Variants in CDH4 observed in about 807,000 individuals in gnomAD.
CDH4 encodes cadherin 4, also known as cadherin-4.
Under a neutral mutation model 86.0 loss-of-function variants are expected in CDH4, and 33 were observed. That is an observed-to-expected ratio of 0.38 (90% CI 0.29 to 0.51). CDH4 has a LOEUF of 0.51. CDH4 is among the 20% of genes least tolerant of loss of function. CDH4 has a pLI of 0.86. For synonymous variants in CDH4, 555 were observed against 549.4 expected (o/e 1.01, Z -0.14); for missense variants, 1,114 against 1,307.4 (o/e 0.85, Z 2.28).
chr20:61,587,823 CAT>C (rs921145870), intron 2 of CDH4, among the ~76,000 whole-genome samples: 10 of 152,200 alleles, frequency 6.6e-5, no homozygotes, highest in Admixed American at 4.6e-4. Flanking sequence ...ACAAGCAACA[CAT>C]GAGTGACTTC....
intron 2 of CDH4, among the ~76,000 whole-genome samples, chr20:61,666,850 G>A (rs979671405): frequency 6.6e-6 from 1 of 152,244 alleles, no homozygotes; most frequent in Non-Finnish European, 1.5e-5. Flanking sequence ...TCCGAAGACA[G>A]CAGAGTCTGG....
chr20:61,881,714 C>T (rs918963865), intron 7 of CDH4, among the ~76,000 whole-genome samples: 4 of 152,204 alleles, frequency 2.6e-5, no homozygotes, highest in Non-Finnish European at 4.4e-5. Context: ...GAGAACCCGT[C>T]ACAGCCGGAA....
chr20:61,682,386 GGATGGATA>G (rs1786433768), intron 2 of CDH4, among the ~76,000 whole-genome samples: 1 of 145,636 alleles, frequency 6.9e-6, no homozygotes, highest in Admixed American at 6.8e-5. Flanking sequence ...GATGGATGAT[GGATGGATA>G]GATGGATGGA....
At chr20:61,455,352 G>A (rs1045132940) in intron 2 of CDH4, among the ~76,000 whole-genome samples, 1 of 152,208 alleles carries the variant, frequency 6.6e-6, no homozygotes, top group Non-Finnish European at 1.5e-5. Context: ...CACAGCCCAG[G>A]GTGGGCTGGC....
At chr20:61,880,231 CG>C (rs1171841510) in intron 7 of CDH4, among the ~76,000 whole-genome samples, 1 of 152,134 alleles carries the variant, frequency 6.6e-6, no homozygotes, top group Non-Finnish European at 1.5e-5. Flanking sequence ...TCCCAGACAG[CG>C]AGCCTCTCGT....
At chr20:61,802,546 T>TG (rs1295332524) in intron 4 of CDH4, among the ~76,000 whole-genome samples, 1 of 151,756 alleles carries the variant, frequency 6.6e-6, no homozygotes, top group Admixed American at 6.5e-5. Context: ...AAAACTTACT[T>TG]GGGGAAAAAA....
chr20:61,368,624 C>G (rs2084823386), intron 2 of CDH4, among the ~76,000 whole-genome samples: 1 of 152,046 alleles, frequency 6.6e-6, no homozygotes, highest in Admixed American at 6.5e-5. Context: ...TCAAGTGATT[C>G]TCCTGCCTTA....
intron 2 of CDH4, among the ~76,000 whole-genome samples, chr20:61,297,888 C>T (rs17806051): frequency 0.058 from 8,784 of 152,320 alleles, 375 homozygotes; most frequent in Non-Finnish European, 0.086. Context: ...CGCTGTGGAG[C>T]GAATGACAAT....
chr20:61,348,229 A>G (rs536898513), intron 2 of CDH4, among the ~76,000 whole-genome samples: 142 of 150,174 alleles, frequency 9.5e-4, no homozygotes, highest in Non-Finnish European at 1.7e-3. Context: ...AAGGCAAAGG[A>G]GGAGCTAAGG....
At chr20:61,453,060 T>C (rs2085389055) in intron 2 of CDH4, among the ~76,000 whole-genome samples, 1 of 151,778 alleles carries the variant, frequency 6.6e-6, no homozygotes, top group African/African-American at 2.4e-5. Flanking sequence ...AATAAAGAAA[T>C]GAAAATCAAA....
chr20:61,536,540 C>T (rs995185236), intron 2 of CDH4, among the ~76,000 whole-genome samples: 2 of 152,114 alleles, frequency 1.3e-5, no homozygotes, highest in Admixed American at 6.5e-5. Flanking sequence ...AGGCCCCTCA[C>T]CCCTTCCGAT....
At chr20:61,382,037 C>T (rs1173736524) in intron 2 of CDH4, among the ~76,000 whole-genome samples, 1 of 151,956 alleles carries the variant, frequency 6.6e-6, no homozygotes, top group Non-Finnish European at 1.5e-5. Flanking sequence ...GACCATGCCA[C>T]TGCACTCCAG....
intron 2 of CDH4, among the ~76,000 whole-genome samples, chr20:61,323,730 C>T (rs952867535): frequency 6.6e-6 from 1 of 152,154 alleles, no homozygotes; most frequent in African/African-American, 2.4e-5. Context: ...TATGCAGGAA[C>T]ACTGAAGGGG....
At chr20:61,313,331 G>A (rs773367749) in intron 2 of CDH4, among the ~76,000 whole-genome samples, 6 of 152,220 alleles carry the variant, frequency 3.9e-5, no homozygotes, top group African/African-American at 7.2e-5. Context: ...TCTGGAGCTG[G>A]CACCTGCAGC....
chr20:61,746,682 A>G (rs992386839), intron 3 of CDH4, among the ~76,000 whole-genome samples: 1 of 152,264 alleles, frequency 6.6e-6, no homozygotes, highest in Non-Finnish European at 1.5e-5. Flanking sequence ...ACTGCTCTGG[A>G]GAATGGGAGA....
intron 14 of CDH4, 133 bp from the exon 15 acceptor site, chr20:61,933,923 G>A (rs2055145630): frequency 1.0e-6 from 1 of 987,240 alleles, no homozygotes; most frequent in African/African-American, 1.6e-5. Flanking sequence ...GCATGGTTCT[G>A]TGGGATGCTT....
chr20:61,601,327 C>A (rs2427168), intron 2 of CDH4, among the ~76,000 whole-genome samples: 114,895 of 152,032 alleles, frequency 0.76, 43,498 homozygotes, highest in Admixed American at 0.79. Flanking sequence ...AACACCTCCC[C>A]CCAGGCCCCA....
chr20:61,697,338 G>A (rs1214999678), intron 2 of CDH4, among the ~76,000 whole-genome samples: 3 of 152,140 alleles, frequency 2.0e-5, no homozygotes, highest in African/African-American at 7.2e-5. Flanking sequence ...AGTGGCTCAC[G>A]CCTGTAATAC....
At chr20:61,806,700 C>A (rs943642690) in intron 4 of CDH4, among the ~76,000 whole-genome samples, 1 of 152,140 alleles carries the variant, frequency 6.6e-6, no homozygotes, top group African/African-American at 2.4e-5. Context: ...TTTAATTCTG[C>A]GGGGGAAGTG....
Sources: gnomAD v4.1 joint callset for allele counts (sites outside exome capture counted in the v4.1 genomes callset) on GRCh38, gnomAD v4.1.1 for gene constraint, MANE v1.5 for transcripts, NCBI Gene and HGNC (gene_info 2026-07-23, HGNC 2026-07-21) for gene names.